The following EPHB1 variants were observed in gnomAD, a reference collection of about 807,000 sequenced individuals.
EPHB1 encodes the protein ephrin type-B receptor 1.
Under a neutral mutation model 94.4 loss-of-function variants are expected in EPHB1, and 30 were observed. The observed-to-expected ratio is 0.32, with a 90% CI of 0.24 to 0.43. EPHB1 has a LOEUF of 0.43. Ranked by LOEUF, EPHB1 falls within the 20% of genes least tolerant of loss-of-function variation. EPHB1 has a pLI of 1.00. For missense variants in EPHB1, 1,055 were observed against 1,308.3 expected (o/e 0.81, Z 2.99); for synonymous variants, 522 against 489.1 (o/e 1.07, Z -0.89).
intron 1 of EPHB1, among the ~76,000 whole-genome samples, chr3:134,878,417 A>G (rs1242793190): frequency 6.6e-6 from 1 of 152,074 alleles, no homozygotes; most frequent in Non-Finnish European, 1.5e-5. Context: ...TGAATTAGAA[A>G]CCCTACTGAC....
intron 4 of EPHB1, among the ~76,000 whole-genome samples, chr3:135,129,883 T>A (rs1164668019): frequency 6.6e-6 from 1 of 151,994 alleles, no homozygotes; most frequent in Non-Finnish European, 1.5e-5. Context: ...GAGAGTTTAG[T>A]GTGCACAGGA....
At chr3:135,066,383 T>G (rs1384282626) in intron 3 of EPHB1, among the ~76,000 whole-genome samples, 1 of 152,260 alleles carries the variant, frequency 6.6e-6, no homozygotes, top group Non-Finnish European at 1.5e-5. Flanking sequence ...TCTTGGAGGC[T>G]TTGTTCATGT....
intron 3 of EPHB1, among the ~76,000 whole-genome samples, chr3:134,954,232 C>G (rs1286791947): frequency 6.6e-6 from 1 of 152,178 alleles, no homozygotes; most frequent in African/African-American, 2.4e-5. Flanking sequence ...AATCTTTGCC[C>G]TTAACTCTGC....
intron 1 of EPHB1, among the ~76,000 whole-genome samples, chr3:134,878,218 T>A (rs1049368731): frequency 6.6e-6 from 1 of 152,244 alleles, no homozygotes; most frequent in African/African-American, 2.4e-5. Context: ...GAACAAGTTT[T>A]AGGCTCTTCT....
intron 3 of EPHB1, among the ~76,000 whole-genome samples, chr3:135,039,182 T>C (rs912593295): frequency 6.6e-6 from 1 of 151,960 alleles, no homozygotes; most frequent in East Asian, 1.9e-4. Flanking sequence ...GTATTTACAA[T>C]CCCTGAGCTA....
In EPHB1 at chr3:135,041,262, C is replaced by G. The variant is rs368082142; in HGVS notation, c.806-65186C>G. Among the ~76,000 whole-genome samples the G allele has an allele frequency of 3.9e-5, 6 of 152,268 alleles. No individual in the cohort carries two copies. The East Asian group carries it at 5.8e-4, about 15-fold the overall frequency. On this transcript the variant is annotated intron_variant, in intron 3 of 15. Transcript: ENST00000398015. ...GCTCCCAGTGCTTTCAACCCCCCAG[C>G]CTTCCCCCAAACCATAATGTGGTAC...
intron 1 of EPHB1, among the ~76,000 whole-genome samples, chr3:134,797,455 C>G (rs1392595963): frequency 6.6e-6 from 1 of 152,230 alleles, no homozygotes; most frequent in East Asian, 1.9e-4. Context: ...GTCCGAGGCT[C>G]GGTCCGGCCC....
intron 4 of EPHB1, among the ~76,000 whole-genome samples, chr3:135,114,410 A>G (rs2107802808): frequency 6.6e-6 from 1 of 151,796 alleles, no homozygotes; most frequent in East Asian, 1.9e-4. Flanking sequence ...TAAATGCAAT[A>G]TACTATTTAG....
intron 1 of EPHB1, among the ~76,000 whole-genome samples, chr3:134,833,390 A>T (rs1019761972): frequency 6.6e-6 from 1 of 152,224 alleles, no homozygotes; most frequent in Non-Finnish European, 1.5e-5. Flanking sequence ...TGTCCCCAAC[A>T]GGCCAGGCAG....
intron 3 of EPHB1, among the ~76,000 whole-genome samples, chr3:134,968,493 A>G (rs562658326): frequency 1.3e-5 from 2 of 152,196 alleles, no homozygotes; most frequent in South Asian, 4.1e-4. Context: ...ATAAATAGCT[A>G]TGGGTTTGTC....
At chr3:134,856,596 A>G (rs1257837095) in intron 1 of EPHB1, among the ~76,000 whole-genome samples, 5 of 152,258 alleles carry the variant, frequency 3.3e-5, no homozygotes, top group Admixed American at 2.0e-4. Context: ...TCAGTATGGT[A>G]GCCACCAGCC....
At chr3:134,987,941 G>C in intron 3 of EPHB1, among the ~76,000 whole-genome samples, 1 of 150,594 alleles carries the variant, frequency 6.6e-6, no homozygotes, top group East Asian at 1.9e-4. Flanking sequence ...ACCCAGACTG[G>C]TATTTTTTTT....
intron 3 of EPHB1, among the ~76,000 whole-genome samples, chr3:134,998,406 G>A (rs1201080337): frequency 6.6e-6 from 1 of 152,194 alleles, no homozygotes; most frequent in African/African-American, 2.4e-5. Flanking sequence ...GTAGCCCTGG[G>A]TCTCTAAGGC....
At chr3:134,914,637 A>C (rs1363942989) in intron 1 of EPHB1, among the ~76,000 whole-genome samples, 1 of 152,326 alleles carries the variant, frequency 6.6e-6, no homozygotes, top group South Asian at 2.1e-4. Context: ...CCTGAGCATC[A>C]TCAGGGGTCT....
intron 2 of EPHB1, among the ~76,000 whole-genome samples, chr3:134,947,568 C>T (rs1187914559): frequency 6.6e-6 from 1 of 152,222 alleles, no homozygotes; most frequent in Admixed American, 6.5e-5. Flanking sequence ...GCTTTGATCA[C>T]TCCCTTAGGA....
chr3:134,970,754 C>G (rs770878033), intron 3 of EPHB1, among the ~76,000 whole-genome samples: 21 of 152,180 alleles, frequency 1.4e-4, no homozygotes, highest in Non-Finnish European at 2.2e-4. Context: ...CCAGCAGCAG[C>G]TATCAGATGC....
intron 10 of EPHB1, among the ~76,000 whole-genome samples, chr3:135,189,846 G>A (rs1182984567): frequency 1.3e-5 from 2 of 152,184 alleles, no homozygotes; most frequent in African/African-American, 2.4e-5. Context: ...CAAATATTCT[G>A]ATGCCACCCA....
At chr3:134,887,713 T>A (rs953037548) in intron 1 of EPHB1, among the ~76,000 whole-genome samples, 2 of 152,214 alleles carry the variant, frequency 1.3e-5, no homozygotes, top group Non-Finnish European at 2.9e-5. Flanking sequence ...GTAGGATGAT[T>A]CATTTTATAA....
chr3:134,811,203 A>G (rs1281590652), intron 1 of EPHB1, among the ~76,000 whole-genome samples: 1 of 140,084 alleles, frequency 7.1e-6, no homozygotes, highest in Non-Finnish European at 1.5e-5. Context: ...GCATTTCTCA[A>G]CCTTATTCCT....
Sources: allele counts gnomAD v4.1 joint callset (sites outside exome capture counted in the v4.1 genomes callset), GRCh38; gene constraint gnomAD v4.1.1; transcripts MANE v1.5; gene names NCBI Gene and HGNC (gene_info 2026-07-23, HGNC 2026-07-21).